Variants in DOK6 observed in about 807,000 individuals in gnomAD.
DOK6 encodes the protein downstream of tyrosine kinase 6.
In DOK6, 22 loss-of-function variants were observed where a neutral mutation model predicts 44.0. That is an observed-to-expected ratio of 0.50 (90% CI 0.36 to 0.71). DOK6 has a LOEUF of 0.71. Ranked by LOEUF, DOK6 falls within the 30% of genes least tolerant of loss-of-function variation. The probability of loss-of-function intolerance (pLI) is 0.00; values close to 1 mark genes in which losing one functional copy is unlikely to be tolerated. For missense variants in DOK6, 340 were observed against 416.4 expected (o/e 0.82, Z 1.60); for synonymous variants, 166 against 145.5 (o/e 1.14, Z -1.01).
At chr18:69,606,273 AAAATAAATAAATAAATAAATAAATAAAT>A (rs139420505) in intron 3 of DOK6, among the ~76,000 whole-genome samples, 7 of 142,730 alleles carry the variant, frequency 4.9e-5, no homozygotes, top group Middle Eastern at 3.5e-3. Context: ...ACTCCATCTC[AAAATAAATAAATAAATAAATAAATAAAT>A]AAATAAATAA....
At chr18:69,458,185 A>C (rs1979682678) in intron 1 of DOK6, among the ~76,000 whole-genome samples, 2 of 152,180 alleles carry the variant, frequency 1.3e-5, no homozygotes, top group South Asian at 4.1e-4. Flanking sequence ...AACGAAACAA[A>C]AAACTTTTTC....
At chr18:69,659,529 G>A (rs1172159618) in intron 3 of DOK6, among the ~76,000 whole-genome samples, 8 of 152,218 alleles carry the variant, frequency 5.3e-5, no homozygotes, top group Admixed American at 2.6e-4. Context: ...AGCTGAATCC[G>A]GTTAATTACA....
At chr18:69,701,532 T>C (rs1021754178) in intron 5 of DOK6, among the ~76,000 whole-genome samples, 1 of 152,208 alleles carries the variant, frequency 6.6e-6, no homozygotes, top group Non-Finnish European at 1.5e-5. Flanking sequence ...TCATGTTACC[T>C]CATAAATATT....
chr18:69,478,152 A>G (rs1301277933), intron 1 of DOK6, among the ~76,000 whole-genome samples: 3 of 152,186 alleles, frequency 2.0e-5, no homozygotes, highest in Non-Finnish European at 2.9e-5. Flanking sequence ...CTATACTCCC[A>G]TTAGCTCAGT....
At chr18:69,796,848 A>G (rs192886869) in intron 7 of DOK6, among the ~76,000 whole-genome samples, 31 of 152,186 alleles carry the variant, frequency 2.0e-4, no homozygotes, top group Non-Finnish European at 3.8e-4. Flanking sequence ...AAGTTATTTG[A>G]TGTTACATAA....
At chr18:69,768,954 C>CATGTGTGTGTGTGTGTGTGT (rs1555669806) in intron 7 of DOK6, among the ~76,000 whole-genome samples, 3 of 142,590 alleles carry the variant, frequency 2.1e-5, no homozygotes, top group South Asian at 2.3e-4. Flanking sequence ...GAAGGGTGTG[C>CATGTGTGTGTGTGTGTGTGT]GTGTGTGTGT....
intron 5 of DOK6, among the ~76,000 whole-genome samples, chr18:69,723,760 AG>A (rs1425327872): frequency 6.6e-6 from 1 of 152,156 alleles, no homozygotes; most frequent in Non-Finnish European, 1.5e-5. Context: ...TGATCCTCAT[AG>A]CAACCCTCTA....
intron 7 of DOK6, among the ~76,000 whole-genome samples, chr18:69,793,719 TTTCACTACCA>T (rs1980663968): frequency 6.6e-6 from 1 of 152,118 alleles, no homozygotes; most frequent in African/African-American, 2.4e-5. Flanking sequence ...TCAGAGTTCT[TTTCACTACCA>T]GAGAGAAAAG....
chr18:69,402,923 C>T (rs916557075), intron 1 of DOK6, among the ~76,000 whole-genome samples: 5 of 152,296 alleles, frequency 3.3e-5, no homozygotes, highest in Admixed American at 2.0e-4. Context: ...GGTTGTTCCT[C>T]GCAGCCGGGA....
At chr18:69,653,534 A>C (rs1985286286) in intron 3 of DOK6, among the ~76,000 whole-genome samples, 2 of 152,256 alleles carry the variant, frequency 1.3e-5, no homozygotes, top group South Asian at 4.2e-4. Flanking sequence ...ATTGGGAGTC[A>C]AATTCAGATT....
At chr18:69,653,374 T>A (rs1353764203) in intron 3 of DOK6, among the ~76,000 whole-genome samples, 1 of 151,632 alleles carries the variant, frequency 6.6e-6, no homozygotes, top group African/African-American at 2.4e-5. Context: ...GGAGCTGAGG[T>A]CCCGGAGAAA....
chr18:69,545,152 A>G (rs1438193835), intron 1 of DOK6, among the ~76,000 whole-genome samples: 1 of 151,012 alleles, frequency 6.6e-6, no homozygotes. Context: ...ATATCAGAAA[A>G]CATGGCTTTT....
At chr18:69,467,373 G>A (rs934197454) in intron 1 of DOK6, among the ~76,000 whole-genome samples, 1 of 151,992 alleles carries the variant, frequency 6.6e-6, no homozygotes, top group Non-Finnish European at 1.5e-5. Flanking sequence ...ATTCAACAGT[G>A]AACTAAATAA....
chr18:69,622,911 C>T (rs1464766648), intron 3 of DOK6, among the ~76,000 whole-genome samples: 1 of 152,282 alleles, frequency 6.6e-6, no homozygotes, highest in Non-Finnish European at 1.5e-5. Flanking sequence ...CTGAATCACA[C>T]GGAAGTGAAA....
intron 3 of DOK6, among the ~76,000 whole-genome samples, chr18:69,632,662 C>A (rs532397450): frequency 1.3e-5 from 2 of 152,074 alleles, no homozygotes; most frequent in African/African-American, 4.8e-5. Flanking sequence ...TAAAGTCTCC[C>A]GAGGTATATT....
rs779104236 is a variant in DOK6, at chr18:69,401,312, TGA to T, written c.66+4_66+5del. 1 of 1,543,436 alleles carries T rather than the reference TGA, an allele frequency of 6.5e-7. No homozygotes were observed. The highest frequency in any genetic ancestry group is 8.7e-7 in the Non-Finnish European group (1 of 1,145,092). On this transcript the variant is annotated splice_donor_region_variant and intron_variant, in intron 1 of 7. Transcript: ENST00000382713. ...AAAATCCGCAGCAGGAAGCTTGGGG[TGA>T]GTGGCTCGCTCGGCTTGCTCCTTCC...
In DOK6 at chr18:69,612,400, T is replaced by TGTGTGCGAGGA. The variant is rs1555716970; in HGVS notation, c.289+12912_289+12913insAGTGTGCGAGG. Among the ~76,000 whole-genome samples, 10 of 137,144 alleles carry TGTGTGCGAGGA rather than the reference T, an allele frequency of 7.3e-5. No homozygotes were observed. The East Asian group carries it at 2.5e-3, about 34-fold the overall frequency. 90.0% of individuals were successfully genotyped at this position (137,144 alleles called of 152,430 possible). A position where few individuals can be genotyped will look rare whatever the true frequency, so the allele number is the denominator to read the frequency against. ...CATGTTTATGAGCACGAAGAGACTT[T>TGTGTGCGAGGA]GTGTGCGAGGGCGCATGTGTGCGAG... On this transcript the variant is annotated intron_variant, in intron 3 of 7. Transcript: ENST00000382713.
intron 1 of DOK6, among the ~76,000 whole-genome samples, chr18:69,423,628 G>C (rs1027229917): frequency 6.6e-6 from 1 of 152,154 alleles, no homozygotes. Flanking sequence ...TTTAAAATGT[G>C]TGTATGTTCA....
chr18:69,416,192 AC>A (rs1978339002), intron 1 of DOK6, among the ~76,000 whole-genome samples: 3 of 137,654 alleles, frequency 2.2e-5, no homozygotes, highest in African/African-American at 9.7e-5. Context: ...GAAGGAAGGA[AC>A]GAAGGAAGGA....
Sources: allele counts gnomAD v4.1 joint callset (sites outside exome capture counted in the v4.1 genomes callset), GRCh38; gene constraint gnomAD v4.1.1; transcripts MANE v1.5; gene names NCBI Gene and HGNC (gene_info 2026-07-23, HGNC 2026-07-21).